Variants in CADPS observed in about 807,000 individuals in gnomAD.
The protein encoded by CADPS is calcium-dependent secretion activator 1.
A neutral mutation model predicts 167.3 loss-of-function variants in CADPS; 57 were observed. The observed-to-expected ratio is 0.34, with a 90% CI of 0.28 to 0.42. The LOEUF is 0.42. Ranked by LOEUF, CADPS falls within the 20% of genes least tolerant of loss-of-function variation. CADPS has a pLI of 1.00. For synonymous variants in CADPS, 676 were observed against 635.3 expected (o/e 1.06, Z -0.96); for missense variants, 1,414 against 1,738.1 (o/e 0.81, Z 3.32).
chr3:62,852,215 T>C (rs909668843), intron 1 of CADPS, among the ~76,000 whole-genome samples: 5 of 151,624 alleles, frequency 3.3e-5, no homozygotes, highest in Non-Finnish European at 7.4e-5. Context: ...TTGCCTTTGA[T>C]TTGAATGTCC....
intron 6 of CADPS, among the ~76,000 whole-genome samples, chr3:62,632,801 C>G (rs140940515): frequency 1.2e-4 from 18 of 152,162 alleles, no homozygotes; most frequent in African/African-American, 4.3e-4. Context: ...GTGTCAATGT[C>G]ACCCTAATGT....
intron 6 of CADPS, among the ~76,000 whole-genome samples, chr3:62,610,017 G>A (rs912955374): frequency 3.3e-5 from 5 of 151,854 alleles, no homozygotes; most frequent in Non-Finnish European, 5.9e-5. Flanking sequence ...TGAGCCCAGG[G>A]GGTCGAGGCT....
At chr3:62,493,557 A>G in intron 19 of CADPS, 88 bp downstream of exon 19, 3 of 974,654 alleles carry the variant, frequency 3.1e-6, no homozygotes, top group Non-Finnish European at 4.8e-6. Context: ...TCTGTGATCT[A>G]TTAGTTATTA....
chr3:62,429,010 T>C (rs2053376599), intron 28 of CADPS, among the ~76,000 whole-genome samples: 1 of 152,240 alleles, frequency 6.6e-6, no homozygotes, highest in Non-Finnish European at 1.5e-5. Context: ...CTGAGGATTG[T>C]AAACTTATTT....
intron 4 of CADPS, among the ~76,000 whole-genome samples, chr3:62,653,163 T>G (rs1022863307): frequency 6.6e-6 from 1 of 152,192 alleles, no homozygotes; most frequent in Admixed American, 6.5e-5. Flanking sequence ...TGAAATGGAT[T>G]GAATGTTTGT....
rs924197518 is a variant in CADPS, at chr3:62,493,539, C to G, written c.2727+106G>C. On this transcript the variant is annotated intron_variant, in intron 19 of 29. Transcript: ENST00000383710. ...TAAATGAAAGGGTTTGTTCAATGGC[C>G]AAGCTCTTCTGTGATCTATTAGTTA... 5 of 816,532 alleles carry G rather than the reference C, an allele frequency of 6.1e-6. No homozygotes were observed. In the Admixed American group the frequency reaches 1.4e-4, roughly 23 times the overall value. The allele number at this position is 816,532 out of a possible 1,614,324, so 50.6% of individuals were successfully genotyped here.
intron 21 of CADPS, among the ~76,000 whole-genome samples, chr3:62,484,068 C>T (rs572742792): frequency 7.2e-5 from 11 of 152,136 alleles, no homozygotes; most frequent in African/African-American, 2.4e-4. Context: ...AAAAATACTT[C>T]TATTAATCAA....
intron 28 of CADPS, among the ~76,000 whole-genome samples, chr3:62,408,844 A>G (rs1322023229): frequency 6.6e-6 from 1 of 152,228 alleles, no homozygotes; most frequent in Non-Finnish European, 1.5e-5. Context: ...AATTGTCACA[A>G]GAGTAATTTA....
intron 1 of CADPS, among the ~76,000 whole-genome samples, chr3:62,871,279 A>G (rs1417876533): frequency 2.0e-5 from 3 of 152,086 alleles, no homozygotes; most frequent in Admixed American, 1.3e-4. Flanking sequence ...TAAACGACAT[A>G]GTAAAGTTGA....
intron 18 of CADPS, among the ~76,000 whole-genome samples, chr3:62,496,796 T>C (rs981651384): frequency 6.6e-6 from 1 of 152,318 alleles, no homozygotes; most frequent in Middle Eastern, 3.4e-3. Context: ...CTATGCCTAG[T>C]TGTCTTTCAA....
intron 3 of CADPS, among the ~76,000 whole-genome samples, chr3:62,694,982 T>C (rs2080005643): frequency 6.6e-6 from 1 of 152,106 alleles, no homozygotes; most frequent in African/African-American, 2.4e-5. Flanking sequence ...GCTCTCACTG[T>C]TAAGACATTC....
At chr3:62,831,037 T>C (rs988624658) in intron 1 of CADPS, among the ~76,000 whole-genome samples, 5 of 152,120 alleles carry the variant, frequency 3.3e-5, no homozygotes, top group Admixed American at 6.6e-5. Context: ...ATTTCAAAGA[T>C]TATAACCCAG....
chr3:62,679,599 G>A (rs946414339), intron 3 of CADPS, among the ~76,000 whole-genome samples: 4 of 151,994 alleles, frequency 2.6e-5, no homozygotes, highest in Admixed American at 1.3e-4. Context: ...TGGGACCAAT[G>A]GAGAGATAGT....
At chr3:62,529,070 A>C (rs953091857) in intron 13 of CADPS, among the ~76,000 whole-genome samples, 1 of 152,178 alleles carries the variant, frequency 6.6e-6, no homozygotes, top group Non-Finnish European at 1.5e-5. Context: ...CTGAGGCAGG[A>C]GAATCGCTTG....
intron 28 of CADPS, among the ~76,000 whole-genome samples, chr3:62,406,091 C>T (rs930847050): frequency 3.3e-5 from 5 of 152,208 alleles, no homozygotes; most frequent in Admixed American, 3.3e-4. Flanking sequence ...GACTGTCTTC[C>T]GTTCCTCCTC....
At chr3:62,562,583 G>C (rs1577867646) in intron 9 of CADPS, among the ~76,000 whole-genome samples, 2 of 152,180 alleles carry the variant, frequency 1.3e-5, no homozygotes, top group Non-Finnish European at 2.9e-5. Flanking sequence ...GATCGTCCCA[G>C]CTCAGTCTCC....
intron 1 of CADPS, among the ~76,000 whole-genome samples, chr3:62,802,962 G>C (rs753122607): frequency 2.0e-5 from 3 of 152,160 alleles, no homozygotes; most frequent in Non-Finnish European, 2.9e-5. Flanking sequence ...TTCAGACTTA[G>C]AAGGCAGTCA....
At position 62,516,565 on chromosome 3, in the gene CADPS, T is replaced by C; in HGVS notation, c.2457+15A>G. ...TTTTATATATATGTGATCTATCTTT[T>C]ACTTTCATTCTTACCCTTTCCAAGA... On this transcript the variant is annotated intron_variant, in intron 15 of 29. Transcript: ENST00000383710. 1 of 1,576,332 alleles carries C rather than the reference T, an allele frequency of 6.3e-7. No individual in the cohort carries two copies. The highest frequency in any genetic ancestry group is 1.2e-5 in the South Asian group (1 of 86,940).
intron 1 of CADPS, among the ~76,000 whole-genome samples, chr3:62,787,334 C>CT (rs2092552857): frequency 6.6e-6 from 1 of 152,062 alleles, no homozygotes; most frequent in African/African-American, 2.4e-5. Context: ...AGAACTTTTC[C>CT]TTTAAGTTAC....
Sources: allele counts gnomAD v4.1 joint callset (sites outside exome capture counted in the v4.1 genomes callset), GRCh38; gene constraint gnomAD v4.1.1; transcripts MANE v1.5; gene names NCBI Gene and HGNC (gene_info 2026-07-23, HGNC 2026-07-21).